The following PRMT3 variants were observed in gnomAD, a reference collection of about 807,000 sequenced individuals.
The protein encoded by PRMT3 is protein arginine N-methyltransferase 3.
PRMT3 carries 62 observed loss-of-function variants against 71.9 expected under a neutral mutation model. That is an observed-to-expected ratio of 0.86 (90% CI 0.70 to 1.07). The LOEUF (loss-of-function observed/expected upper bound fraction) is 1.07, where lower values mean the gene tolerates loss of function less well. Ranked by LOEUF, PRMT3 falls within the 50% of genes least tolerant of loss-of-function variation. The probability of loss-of-function intolerance (pLI) is 0.00; values close to 1 mark genes in which losing one functional copy is unlikely to be tolerated. For synonymous variants in PRMT3, 213 were observed against 220.4 expected, an observed-to-expected ratio of 0.97 and a Z score of 0.30; for missense variants, 663 against 643.0, an observed-to-expected ratio of 1.03 and a Z score of -0.34.
intron 9 of PRMT3, among the ~76,000 whole-genome samples, chr11:20,413,657 A>G (rs1402994270): frequency 1.3e-5 from 2 of 152,048 alleles, no homozygotes; most frequent in Non-Finnish European, 2.9e-5. Context: ...TAAGATGGAC[A>G]TTTATTGCAG....
chr11:20,453,481 GAA>G (rs577245603), intron 11 of PRMT3, among the ~76,000 whole-genome samples: 3 of 120,208 alleles, frequency 2.5e-5, no homozygotes. Context: ...CTCCATCTCA[GAA>G]AAAAAAAAAA....
chr11:20,389,917 T>A (rs760152375), intron 3 of PRMT3, 91 bp downstream of exon 3: 1 of 925,302 alleles, frequency 1.1e-6, no homozygotes, highest in Non-Finnish European at 1.7e-6. Flanking sequence ...TTTGGGAGGC[T>A]GAGGTGGGTG....
chr11:20,472,859 TG>T (rs1233498628), intron 13 of PRMT3, among the ~76,000 whole-genome samples: 1 of 3,428 alleles, frequency 2.9e-4, no homozygotes, highest in African/African-American at 1.4e-3. Flanking sequence ...GGGCTTTTTT[TG>T]GAGGGTGGGG....
intron 11 of PRMT3, among the ~76,000 whole-genome samples, chr11:20,455,182 A>C (rs1401322398): frequency 6.6e-6 from 1 of 152,154 alleles, no homozygotes; most frequent in Non-Finnish European, 1.5e-5. Flanking sequence ...GACTAAAATA[A>C]ATGTATATTT....
rs1275769267 is a variant in PRMT3 at position 20,388,055 on chromosome 11, C to G, written c.65C>G (p.Pro22Arg). The change falls in exon 2 of 16, where the codon CCA (proline) becomes CGA (arginine). Residue 22 changes from proline (P) to arginine (R), a missense_variant. By Grantham distance (103) the Pro-to-Arg change is moderately radical. Transcript: ENST00000331079. ...GCTGTGGAGAATGAGGAGGACCTGCCAGAACTGTCGGACAGCGGGGACGAG... is the reference window on the plus strand; with the variant it reads ...GCTGTGGAGAATGAGGAGGACCTGCGAGAACTGTCGGACAGCGGGGACGAG... ...RGAVENEEDL[P>R]ELSDSGDEAA... The G allele has an allele frequency of 1.2e-6, 2 of 1,613,894 alleles. No homozygotes were observed. Among genetic ancestry groups the G allele is most frequent in the African/African-American group, 1.3e-5 (1 of 74,918 alleles).
intron 13 of PRMT3, among the ~76,000 whole-genome samples, chr11:20,467,426 A>G (rs906443848): frequency 1.1e-4 from 16 of 152,144 alleles, no homozygotes; most frequent in African/African-American, 3.4e-4. Context: ...CTCTTTCCTG[A>G]CCCAAAAAAC....
intron 13 of PRMT3, among the ~76,000 whole-genome samples, chr11:20,466,400 C>G (rs1850513120): frequency 6.6e-6 from 1 of 152,200 alleles, no homozygotes; most frequent in Non-Finnish European, 1.5e-5. Flanking sequence ...TTAGCCACCA[C>G]TGACAACCCC....
intron 9 of PRMT3, among the ~76,000 whole-genome samples, chr11:20,416,263 G>A (rs760499850): frequency 1.1e-4 from 17 of 152,114 alleles, no homozygotes; most frequent in Non-Finnish European, 2.4e-4. Context: ...GGGGTGGGGG[G>A]AAGATATGTT....
intron 10 of PRMT3, among the ~76,000 whole-genome samples, chr11:20,449,953 G>A (rs1396060799): frequency 6.6e-6 from 1 of 151,974 alleles, no homozygotes; most frequent in Admixed American, 6.6e-5. Flanking sequence ...AAAATAAATA[G>A]TATTTTCATT....
intron 11 of PRMT3, among the ~76,000 whole-genome samples, chr11:20,452,493 A>C (rs1380791762): frequency 6.6e-6 from 1 of 152,150 alleles, no homozygotes; most frequent in Non-Finnish European, 1.5e-5. Context: ...TTTGATATTC[A>C]AACTCAAATC....
At chr11:20,475,438 G>T (rs1214942269) in intron 13 of PRMT3, among the ~76,000 whole-genome samples, 1 of 152,110 alleles carries the variant, frequency 6.6e-6, no homozygotes, top group African/African-American at 2.4e-5. Context: ...ATTCTTCTCT[G>T]TGAGTGCTGC....
intron 15 of PRMT3, among the ~76,000 whole-genome samples, chr11:20,494,888 G>A (rs1851297717): frequency 6.6e-6 from 1 of 152,148 alleles, no homozygotes. Flanking sequence ...CCAAGTGACT[G>A]AAGAGAAATA....
At chr11:20,413,828 G>T (rs1849245819) in intron 9 of PRMT3, among the ~76,000 whole-genome samples, 1 of 151,670 alleles carries the variant, frequency 6.6e-6, no homozygotes, top group Admixed American at 6.6e-5. Context: ...CTTGCATATT[G>T]GAGTTTTCTA....
At chr11:20,409,692 C>CACAT (rs397826482) in intron 9 of PRMT3, among the ~76,000 whole-genome samples, 1 of 149,548 alleles carries the variant, frequency 6.7e-6, no homozygotes. Context: ...CACACACACA[C>CACAT]GTTGCATTTG....
chr11:20,442,824 T>A (rs1849939341), intron 10 of PRMT3, among the ~76,000 whole-genome samples: 1 of 152,260 alleles, frequency 6.6e-6, no homozygotes, highest in Admixed American at 6.5e-5. Flanking sequence ...CTTTTGCTAT[T>A]ACAAATAATA....
intron 13 of PRMT3, among the ~76,000 whole-genome samples, chr11:20,491,133 A>G (rs986016725): frequency 2.0e-5 from 3 of 152,102 alleles, no homozygotes; most frequent in South Asian, 2.1e-4. Context: ...CCATTCTGCT[A>G]TTCAACCCGG....
At chr11:20,435,015 A>C (rs762782279) in intron 10 of PRMT3, among the ~76,000 whole-genome samples, 1 of 152,152 alleles carries the variant, frequency 6.6e-6, no homozygotes, top group African/African-American at 2.4e-5. Flanking sequence ...ACTCATCTGC[A>C]TGGGATTTTT....
At chr11:20,406,625 C>T (rs1049532630) in intron 8 of PRMT3, 1 of 152,140 alleles carries the variant, frequency 6.6e-6, no homozygotes, top group African/African-American at 2.4e-5. Context: ...ACAGATATCT[C>T]TTAGGGGCCA....
intron 2 of PRMT3, 146 bp downstream of exon 2, chr11:20,388,300 G>A: frequency 8.2e-7 from 1 of 1,221,346 alleles, no homozygotes; most frequent in Non-Finnish European, 1.1e-6. Flanking sequence ...AGGGCTTGTG[G>A]AGAAGGAGGA....
Sources: allele counts gnomAD v4.1 joint callset (sites outside exome capture counted in the v4.1 genomes callset), GRCh38; gene constraint gnomAD v4.1.1; transcripts MANE v1.5; gene names NCBI Gene and HGNC (gene_info 2026-07-23, HGNC 2026-07-21).